The following RBBP4 variants were observed in gnomAD, a reference collection of about 807,000 sequenced individuals.
RBBP4 encodes the protein RB binding protein 4, chromatin remodeling factor.
RBBP4 carries 3 observed loss-of-function variants against 57.2 expected under a neutral mutation model. That is an observed-to-expected ratio of 0.05 (90% CI 0.02 to 0.14). The LOEUF is 0.14. Among genes scored for constraint, RBBP4 ranks in the 10% least tolerant of loss-of-function variants. The pLI is 1.00. For synonymous variants in RBBP4, 151 were observed against 171.5 expected (o/e 0.88, Z 0.93); for missense variants, 107 against 520.6 (o/e 0.21, Z 7.73).
At chr1:32,667,761 C>T (rs1648715163) in intron 3 of RBBP4, among the ~76,000 whole-genome samples, 1 of 152,174 alleles carries the variant, frequency 6.6e-6, no homozygotes, top group South Asian at 2.1e-4. Flanking sequence ...CCAAAATTCA[C>T]AGATGCTGAA....
rs1212146196 is a variant in RBBP4 at position 32,684,030 on chromosome 1, C to T, written c.*4325C>T. ...ATCACCTTGAGACTGTGTCTCCATT[C>T]CACCTGCCTGAGAAGTGGGAGCATC... On this transcript the variant is annotated 3_prime_UTR_variant, in exon 12 of 12. Coordinates refer to ENST00000373493, the MANE Select transcript of RBBP4 (RefSeq NM_005610.3). 1 of 1,614,196 alleles carries T rather than the reference C, an allele frequency of 6.2e-7. No homozygotes were observed.
intron 3 of RBBP4, among the ~76,000 whole-genome samples, chr1:32,659,830 C>G (rs1648321558): frequency 6.6e-6 from 1 of 152,232 alleles, no homozygotes; most frequent in South Asian, 2.1e-4. Flanking sequence ...ATTAACTATT[C>G]CTTACTGATA....
intron 2 of RBBP4, among the ~76,000 whole-genome samples, chr1:32,653,019 T>G (rs1470485952): frequency 6.6e-6 from 1 of 152,214 alleles, no homozygotes; most frequent in East Asian, 1.9e-4. Flanking sequence ...AATGGCTTTC[T>G]TATAAGGGGT....
chr1:32,653,261 A>C (rs992800741), intron 2 of RBBP4, among the ~76,000 whole-genome samples: 1 of 152,204 alleles, frequency 6.6e-6, no homozygotes, highest in Non-Finnish European at 1.5e-5. Context: ...AATGCAAAAA[A>C]CAAAGAGGAG....
intron 11 of RBBP4, among the ~76,000 whole-genome samples, chr1:32,674,766 C>T (rs1052505554): frequency 8.0e-5 from 12 of 150,502 alleles, no homozygotes; most frequent in African/African-American, 2.9e-4. Flanking sequence ...CTCACTGCCT[C>T]ACCCAGGCTG....
In RBBP4 at chr1:32,651,210, A is replaced by G. The variant is rs1460872228; in HGVS notation, c.-97A>G. 7 of 1,473,780 alleles carry G rather than the reference A, an allele frequency of 4.7e-6. No homozygotes were observed. Among genetic ancestry groups the G allele is most frequent in the Non-Finnish European group, 4.5e-6 (5 of 1,104,318 alleles). The allele number at this position is 1,473,780 out of a possible 1,614,324, so 91.3% of individuals were successfully genotyped here. ...TCAGCCCTCGCGCTGGGGGCGCAGG[A>G]AACAATAGAGGCCGCGCGCACAGAG... On this transcript the variant is annotated 5_prime_UTR_variant, in exon 1 of 12. Transcript: ENST00000373493.
chr1:32,672,724 C>G (rs373360051), intron 10 of RBBP4, 25 bp downstream of exon 10: 4 of 1,609,334 alleles, frequency 2.5e-6, no homozygotes, highest in Non-Finnish European at 3.4e-6. Context: ...TTGGACAGTA[C>G]TGAAATAGTC....
chr1:32,673,957 C>T (rs1469812403), intron 11 of RBBP4, among the ~76,000 whole-genome samples: 4 of 151,862 alleles, frequency 2.6e-5, no homozygotes, highest in Admixed American at 6.6e-5. Context: ...AAAAATTAGC[C>T]GGGCGTGGTG....
rs1451932290 is a variant in RBBP4 at position 32,661,783 on chromosome 1, A to T, written c.310+4211A>T. Among the ~76,000 whole-genome samples, 4 of 104,894 alleles carry T rather than the reference A, an allele frequency of 3.8e-5. No individual in the cohort carries two copies. The Admixed American group carries it at 4.5e-4, about 12-fold the overall frequency. 68.8% of individuals were successfully genotyped at this position (104,894 alleles called of 152,430 possible). On this transcript the variant is annotated intron_variant, in intron 3 of 11. Coordinates refer to ENST00000373493, the MANE Select transcript of RBBP4 (RefSeq NM_005610.3). ...ATCTGTTTTGATTTGCATTTTTCTG[A>T]TGATTGGTGATGTTGATCTTTTTTT...
Position 32,663,990 on chromosome 1 carries a change from G to A in RBBP4, c.311-4235G>A, listed in dbSNP as rs1324443112. ...TGCCCAGGCTGGTATGCAGTGGCGCGATCTCGGCCCACTGCAAGCTCCGCC... is the reference window on the plus strand; with the variant it reads ...TGCCCAGGCTGGTATGCAGTGGCGCAATCTCGGCCCACTGCAAGCTCCGCC... On this transcript the variant is annotated intron_variant, in intron 3 of 11. Transcript: ENST00000373493. 5.1e-4 allele frequency among the ~76,000 whole-genome samples: 76 copies of A among 149,078 alleles called. 1 individual carries two copies. The highest frequency in any genetic ancestry group is 1.8e-3 in the African/African-American group (72 of 40,372).
intron 2 of RBBP4, among the ~76,000 whole-genome samples, chr1:32,656,582 C>G (rs191680056): frequency 1.4e-4 from 21 of 152,238 alleles, no homozygotes; most frequent in Admixed American, 1.4e-3. Flanking sequence ...GAATTCCTGA[C>G]CTCAATTAAT....
chr1:32,651,837 G>A lies in RBBP4; in HGVS notation c.17-77G>A, dbSNP rs564206268. On this transcript the variant is annotated intron_variant, in intron 1 of 11. Coordinates refer to ENST00000373493, the MANE Select transcript of RBBP4 (RefSeq NM_005610.3). ...TCCATTTCATGGTTAGGCTGTAGGA[G>A]TCATGCAGGTGGCTTTGCAGAGGAT... 40 of 1,455,970 alleles carry A rather than the reference G, an allele frequency of 2.7e-5. No individual in the cohort carries two copies. The East Asian group carries it at 7.6e-4, about 28-fold the overall frequency. 90.2% of individuals were successfully genotyped at this position (1,455,970 alleles called of 1,614,324 possible). A position where few individuals can be genotyped will look rare whatever the true frequency, so the allele number is the denominator to read the frequency against.
intron 3 of RBBP4, among the ~76,000 whole-genome samples, chr1:32,663,667 C>G (rs1217765184): frequency 6.6e-6 from 1 of 151,878 alleles, no homozygotes; most frequent in Non-Finnish European, 1.5e-5. Context: ...AGCTCTGCCT[C>G]CCAGGTTCAC....
In RBBP4 at chr1:32,680,227, A is replaced by G; in HGVS notation, c.*522A>G. On this transcript the variant is annotated 3_prime_UTR_variant, in exon 12 of 12. Transcript: ENST00000373493. Reference sequence around the variant, plus strand: ...AGACCAGTTTCCTCTTGGTTTCTTCAGTTAAGTCAAAACAACACGTTCCTC... The same window carrying G: ...AGACCAGTTTCCTCTTGGTTTCTTCGGTTAAGTCAAAACAACACGTTCCTC... The G allele has an allele frequency of 1.7e-6, 2 of 1,144,642 alleles. No homozygotes were observed. Among genetic ancestry groups the G allele is most frequent in the Non-Finnish European group, 1.1e-6 (1 of 931,394 alleles). The allele number at this position is 1,144,642 out of a possible 1,614,324, so 70.9% of individuals were successfully genotyped here.
At chr1:32,676,225 A>G (rs1649095872) in intron 11 of RBBP4, among the ~76,000 whole-genome samples, 1 of 152,212 alleles carries the variant, frequency 6.6e-6, no homozygotes, top group Admixed American at 6.5e-5. Flanking sequence ...TATTCATGAC[A>G]TGCTGTTAAA....
chr1:32,652,380 AG>A (rs1006858266), intron 2 of RBBP4: 43 of 228,942 alleles, frequency 1.9e-4, no homozygotes, highest in African/African-American at 8.6e-4. Flanking sequence ...GGCCAGGAGC[AG>A]TGGCTCACAC....
Position 32,669,270 on chromosome 1 carries a change from C to T in RBBP4, c.801C>T (p.His267=), listed in dbSNP as rs561809945. Residue 267 remains histidine (H), a synonymous_variant, in exon 7 of 12, where the codon CAC becomes CAT. Coordinates refer to ENST00000373493, the MANE Select transcript of RBBP4 (RefSeq NM_005610.3). This position sits in a 1 kb window ranked among gnomAD's most constrained non-coding sequence, Gnocchi z 4.9. ...CAAACAATACTTCCAAACCAAGCCA[C>T]TCAGTTGATGCTCACACTGCTGAAG... The part of the protein sequence containing the change: ...TRSNNTSKPS[H]SVDAHTAEVN... 7 of 1,612,872 alleles carry T rather than the reference C, an allele frequency of 4.3e-6. No individual in the cohort carries two copies. In the Admixed American group the frequency reaches 8.3e-5, roughly 19 times the overall value.
Position 32,651,226 on chromosome 1 carries a change from G to C in RBBP4, c.-81G>C. On this transcript the variant is annotated 5_prime_UTR_variant, in exon 1 of 12. Transcript: ENST00000373493. Reference sequence around the variant, plus strand: ...GGGCGCAGGAAACAATAGAGGCCGCGCGCACAGAGCGAGCTCTTGCAGCCT... The same window carrying C: ...GGGCGCAGGAAACAATAGAGGCCGCCCGCACAGAGCGAGCTCTTGCAGCCT... 1 of 1,500,934 alleles carries C rather than the reference G, an allele frequency of 6.7e-7. No homozygotes were observed. The highest frequency in any genetic ancestry group is 1.2e-5 in the South Asian group (1 of 81,148). 93.0% of individuals were successfully genotyped at this position (1,500,934 alleles called of 1,614,324 possible).
rs1285592045 is a variant in RBBP4 at position 32,679,789 on chromosome 1, C to T, written c.*84C>T. The stretch of plus-strand genomic sequence containing the variant: ...GATTTAACACTGGTTTTGAGACAGA[C>T]TTTATTCAGCTATCCCTCTATATAA... On this transcript the variant is annotated 3_prime_UTR_variant, in exon 12 of 12. Transcript: ENST00000373493. The T allele has an allele frequency of 2.5e-6, 4 of 1,571,788 alleles. No homozygotes were observed. Among genetic ancestry groups the T allele is most frequent in the Non-Finnish European group, 3.4e-6 (4 of 1,162,198 alleles).
Sources: allele counts gnomAD v4.1 joint callset (sites outside exome capture counted in the v4.1 genomes callset), GRCh38; gene constraint gnomAD v4.1.1; non-coding constraint Gnocchi (gnomAD v3.1); transcripts MANE v1.5; gene names NCBI Gene and HGNC (gene_info 2026-07-23, HGNC 2026-07-21).